Variants in SLC1A2 observed in about 807,000 individuals in gnomAD.
SLC1A2 encodes solute carrier family 1 member 2.
Under a neutral mutation model 48.8 loss-of-function variants are expected in SLC1A2, and 15 were observed. That is an observed-to-expected ratio of 0.31 (90% CI 0.21 to 0.47). The LOEUF (loss-of-function observed/expected upper bound fraction) is 0.47. Among genes scored for constraint, SLC1A2 ranks in the 20% least tolerant of loss-of-function variants. The pLI is 0.99. For missense variants in SLC1A2, 502 were observed against 730.5 expected (o/e 0.69, Z 3.61); for synonymous variants, 279 against 272.6 (o/e 1.02, Z -0.23).
At chr11:35,388,534 C>T (rs1251391061) in intron 1 of SLC1A2, among the ~76,000 whole-genome samples, 1 of 152,202 alleles carries the variant, frequency 6.6e-6, no homozygotes, top group Non-Finnish European at 1.5e-5. Context: ...GCTGGGACTA[C>T]AGGTGTGTGC....
intron 1 of SLC1A2, chr11:35,374,390 C>T: frequency 4.5e-6 from 3 of 666,868 alleles, no homozygotes; most frequent in Non-Finnish European, 5.3e-6. Context: ...ACCTGGCCTC[C>T]CTAGATCTGG....
chr11:35,374,663 G>C (rs1469320688), intron 1 of SLC1A2, among the ~76,000 whole-genome samples: 1 of 152,144 alleles, frequency 6.6e-6, no homozygotes, highest in Admixed American at 6.5e-5. Context: ...AGGGTTGGTT[G>C]GACACCACTG....
rs201920308 is a variant in SLC1A2 at position 35,287,286 on chromosome 11, C to CAA, written c.1092-337_1092-336dup. Among the ~76,000 whole-genome samples the CAA allele has an allele frequency of 1.6e-3, 192 of 121,498 alleles. No individual in the cohort carries two copies. In the East Asian group the frequency reaches 0.016, roughly 10 times the overall value. 79.7% of individuals were successfully genotyped at this position (121,498 alleles called of 152,430 possible). ...CTGATTGCCCATATTAATTGGGTTG[C>CAA]AAAAAAAAAAAAACAAAAGCCAGCT... On this transcript the variant is annotated intron_variant, in intron 7 of 10. Transcript: ENST00000278379.
intron 9 of SLC1A2, among the ~76,000 whole-genome samples, chr11:35,271,194 C>G (rs1016796466): frequency 6.6e-6 from 1 of 152,108 alleles, no homozygotes; most frequent in South Asian, 2.1e-4. Flanking sequence ...TCAGTTGGAG[C>G]GGGAAAGATT....
At chr11:35,339,637 T>C (rs1385576291) in intron 1 of SLC1A2, among the ~76,000 whole-genome samples, 1 of 152,184 alleles carries the variant, frequency 6.6e-6, no homozygotes, top group Non-Finnish European at 1.5e-5. Context: ...CATTTTTTAA[T>C]GATTTTCAAC....
chr11:35,258,797 A>C lies in SLC1A2; in HGVS notation c.*2097T>G, dbSNP rs1428505708. 6.6e-6 allele frequency: 1 copy of C among 152,248 alleles called. No homozygotes were observed. Among genetic ancestry groups the C allele is most frequent in the Non-Finnish European group, 1.5e-5 (1 of 68,110 alleles). The allele number at this position is 152,248 out of a possible 1,614,324, so 9.4% of individuals were successfully genotyped here. A position where few individuals can be genotyped will look rare whatever the true frequency, so the allele number is the denominator to read the frequency against. ...GTACTAAAAATACAAAAAATTAGCC[A>C]GGCATGGTGGCATGTGCCTGTAGTC... On this transcript the variant is annotated 3_prime_UTR_variant, in exon 11 of 11. Coordinates refer to ENST00000278379, the MANE Select transcript of SLC1A2 (RefSeq NM_004171.4).
chr11:35,379,863 A>C (rs1012894323), intron 1 of SLC1A2, among the ~76,000 whole-genome samples: 1 of 152,256 alleles, frequency 6.6e-6, no homozygotes, highest in African/African-American at 2.4e-5. Flanking sequence ...AATGTCATCC[A>C]GACATCCCCA....
In SLC1A2 at chr11:35,419,412, G is replaced by T. The variant is rs1027736713; in HGVS notation, c.-446C>A. 1 of 193,090 alleles carries T rather than the reference G, an allele frequency of 5.2e-6. No individual in the cohort carries two copies. Among genetic ancestry groups the T allele is most frequent in the Non-Finnish European group, 1.0e-5 (1 of 95,244 alleles). The allele number at this position is 193,090 out of a possible 1,614,324, so 12.0% of individuals were successfully genotyped here. On this transcript the variant is annotated 5_prime_UTR_variant, in exon 1 of 11. Coordinates refer to ENST00000278379, the MANE Select transcript of SLC1A2 (RefSeq NM_004171.4). This position sits in a 1 kb window ranked among gnomAD's most constrained non-coding sequence, Gnocchi z 5.4. ...GGACGGTGAGCGTGCGTGCGCGTGT[G>T]CGGGTGTGTGCGCGCCTGGGGAGGC...
intron 10 of SLC1A2, chr11:35,264,179 G>A (rs1950442037): frequency 6.6e-6 from 1 of 152,168 alleles, no homozygotes; most frequent in Non-Finnish European, 1.5e-5. Flanking sequence ...GTTCACCCAT[G>A]TATGTATCTT....
At chr11:35,330,344 C>T (rs1307779809) in intron 1 of SLC1A2, among the ~76,000 whole-genome samples, 1 of 152,338 alleles carries the variant, frequency 6.6e-6, no homozygotes, top group East Asian at 1.9e-4. Flanking sequence ...TCAGATTCTA[C>T]CAGAGCTGAG....
At chr11:35,336,108 C>G (rs1046687028) in intron 1 of SLC1A2, among the ~76,000 whole-genome samples, 14 of 138,456 alleles carry the variant, frequency 1.0e-4, no homozygotes, top group Admixed American at 4.8e-4. Context: ...TAAGTAGGAG[C>G]TGAACAATGA....
chr11:35,332,489 A>G (rs762099763), intron 1 of SLC1A2, among the ~76,000 whole-genome samples: 1 of 152,264 alleles, frequency 6.6e-6, no homozygotes, highest in Non-Finnish European at 1.5e-5. Flanking sequence ...TGAATCCTCT[A>G]TATAATGACA....
At chr11:35,270,238 C>A (rs1850242960) in intron 9 of SLC1A2, among the ~76,000 whole-genome samples, 2 of 152,158 alleles carry the variant, frequency 1.3e-5, no homozygotes, top group African/African-American at 4.8e-5. Context: ...TAACCCAGGG[C>A]TTCTGATTCC....
chr11:35,320,325 T>A (rs1272135007), intron 1 of SLC1A2, among the ~76,000 whole-genome samples: 2 of 152,222 alleles, frequency 1.3e-5, no homozygotes, highest in African/African-American at 4.8e-5. Flanking sequence ...CAATCTTTAC[T>A]CTTAAAGAGC....
At chr11:35,365,828 T>C (rs1165902333) in intron 1 of SLC1A2, among the ~76,000 whole-genome samples, 1 of 152,194 alleles carries the variant, frequency 6.6e-6, no homozygotes, top group Non-Finnish European at 1.5e-5. Flanking sequence ...GCAATGCATA[T>C]ATGGTCTACA....
At chr11:35,342,726 C>G (rs1852886536) in intron 1 of SLC1A2, among the ~76,000 whole-genome samples, 1 of 151,970 alleles carries the variant, frequency 6.6e-6, no homozygotes, top group Admixed American at 6.6e-5. Context: ...GTTGAGGCTG[C>G]AGTGACCAGT....
chr11:35,315,795 CAAAAAAA>C (rs199583319), intron 2 of SLC1A2: 7 of 49,542 alleles, frequency 1.4e-4, no homozygotes, highest in African/African-American at 3.8e-4. Flanking sequence ...GACTCCATCT[CAAAAAAA>C]AAAAAAAAAG....
rs191319588 is a variant in SLC1A2, at chr11:35,308,545, G to C, written c.562-2303C>G. On this transcript the variant is annotated intron_variant, in intron 4 of 10. Transcript: ENST00000278379. ...AGTACACAATGAAGATATCAGCATC[G>C]GGCAAGAGCCTTCTTGCTGCATCAT... Among the ~76,000 whole-genome samples the C allele has an allele frequency of 3.2e-3, 485 of 152,180 alleles. 4 individuals are homozygous for C. Among genetic ancestry groups the C allele is most frequent in the Non-Finnish European group, 5.4e-3 (364 of 68,012 alleles).
intron 1 of SLC1A2, among the ~76,000 whole-genome samples, chr11:35,362,786 CTG>C (rs1388196410): frequency 6.6e-6 from 1 of 152,204 alleles, no homozygotes; most frequent in Non-Finnish European, 1.5e-5. Flanking sequence ...CCACAGCAAA[CTG>C]GATTTTCAGG....
Sources: allele counts gnomAD v4.1 joint callset (sites outside exome capture counted in the v4.1 genomes callset), GRCh38; gene constraint gnomAD v4.1.1; non-coding constraint Gnocchi (gnomAD v3.1); transcripts MANE v1.5; gene names NCBI Gene and HGNC (gene_info 2026-07-23, HGNC 2026-07-21).